The following INPP4B variants were observed in gnomAD, a reference collection of about 807,000 sequenced individuals.
INPP4B encodes inositol polyphosphate-4-phosphatase type II B.
Under a neutral mutation model 122.5 loss-of-function variants are expected in INPP4B, and 55 were observed. The ratio of observed to expected loss-of-function variants is 0.45; its 90% CI spans 0.36 to 0.56. The LOEUF is 0.56. Among genes scored for constraint, INPP4B ranks in the 20% least tolerant of loss-of-function variants. INPP4B has a pLI of 0.00. For synonymous variants in INPP4B, 403 were observed against 388.7 expected (o/e 1.04, Z -0.43); for missense variants, 1,000 against 1,097.7 (o/e 0.91, Z 1.26).
intron 23 of INPP4B, among the ~76,000 whole-genome samples, chr4:142,104,846 A>G (rs186387965): frequency 1.3e-5 from 2 of 152,306 alleles, no homozygotes; most frequent in Non-Finnish European, 2.9e-5. Context: ...TATAAATTCT[A>G]TGTAAATAGC....
intron 2 of INPP4B, among the ~76,000 whole-genome samples, chr4:142,501,035 T>A (rs1823306102): frequency 6.6e-6 from 1 of 152,190 alleles, no homozygotes; most frequent in South Asian, 2.1e-4. Context: ...TTATATATAT[T>A]TACCACAATA....
intron 2 of INPP4B, among the ~76,000 whole-genome samples, chr4:142,649,348 AAC>A (rs1752454577): frequency 6.6e-6 from 1 of 152,244 alleles, no homozygotes; most frequent in Admixed American, 6.5e-5. Flanking sequence ...CCAGCAATGG[AAC>A]AAAGCTGGAG....
At chr4:142,743,150 G>C (rs1392334616) in intron 1 of INPP4B, among the ~76,000 whole-genome samples, 1 of 151,824 alleles carries the variant, frequency 6.6e-6, no homozygotes, top group African/African-American at 2.4e-5. Flanking sequence ...AAAATATATT[G>C]GGAAAATATT....
At chr4:142,536,101 C>G (rs1007458171) in intron 2 of INPP4B, among the ~76,000 whole-genome samples, 2 of 152,176 alleles carry the variant, frequency 1.3e-5, no homozygotes, top group South Asian at 4.1e-4. Context: ...GGTCTCATCA[C>G]TATATAATCA....
chr4:142,311,729 G>A (rs1872292), intron 8 of INPP4B, among the ~76,000 whole-genome samples: 27 of 152,004 alleles, frequency 1.8e-4, no homozygotes, highest in Non-Finnish European at 2.5e-4. Flanking sequence ...GGACTTAGGC[G>A]CTCCCCAATA....
At chr4:142,163,057 AT>A in intron 16 of INPP4B, among the ~76,000 whole-genome samples, 1 of 151,948 alleles carries the variant, frequency 6.6e-6, no homozygotes, top group African/African-American at 2.4e-5. Flanking sequence ...TCGCAGTCAA[AT>A]AAATCAGCTT....
intron 17 of INPP4B, among the ~76,000 whole-genome samples, chr4:142,153,306 AG>A (rs1370676946): frequency 6.6e-6 from 1 of 152,220 alleles, no homozygotes; most frequent in Non-Finnish European, 1.5e-5. Flanking sequence ...TGATAAATCA[AG>A]CCAACAGTCT....
At chr4:142,406,669 A>AC (rs1343981650) in intron 5 of INPP4B, among the ~76,000 whole-genome samples, 1 of 152,162 alleles carries the variant, frequency 6.6e-6, no homozygotes, top group Non-Finnish European at 1.5e-5. Context: ...TTTGTCATAT[A>AC]CTTTTTTTTC....
chr4:142,114,668 C>A (rs1002170775), intron 21 of INPP4B, among the ~76,000 whole-genome samples: 4 of 151,882 alleles, frequency 2.6e-5, no homozygotes, highest in Non-Finnish European at 5.9e-5. Context: ...AATATGAGTC[C>A]TTTTTCAAAT....
At chr4:142,710,514 A>AT (rs1199696865) in intron 2 of INPP4B, among the ~76,000 whole-genome samples, 10 of 152,174 alleles carry the variant, frequency 6.6e-5, no homozygotes, top group Non-Finnish European at 1.3e-4. Flanking sequence ...AAAATGTAGC[A>AT]TTTTTTTAAA....
intron 25 of INPP4B, among the ~76,000 whole-genome samples, chr4:142,067,372 T>G (rs1041651254): frequency 3.3e-5 from 5 of 152,056 alleles, no homozygotes; most frequent in Admixed American, 6.5e-5. Flanking sequence ...AAGATGGGGA[T>G]AAACCAGAGC....
intron 25 of INPP4B, among the ~76,000 whole-genome samples, chr4:142,056,190 G>A (rs1437932680): frequency 6.6e-6 from 1 of 152,052 alleles, no homozygotes. Context: ...CTCCTGCTGT[G>A]TGACCTGGTT....
At chr4:142,845,880 G>C (rs574365813) in intron 1 of INPP4B, among the ~76,000 whole-genome samples, 1 of 152,244 alleles carries the variant, frequency 6.6e-6, no homozygotes, top group South Asian at 2.1e-4. Flanking sequence ...GAGTTCCACG[G>C]GGGCCCGGAG....
intron 25 of INPP4B, among the ~76,000 whole-genome samples, chr4:142,041,323 T>G (rs942323505): frequency 1.3e-5 from 2 of 151,868 alleles, no homozygotes; most frequent in Non-Finnish European, 2.9e-5. Context: ...AATAAAAAAT[T>G]TAATATCCCT....
At chr4:142,579,659 T>C (rs974284413) in intron 2 of INPP4B, among the ~76,000 whole-genome samples, 1 of 151,686 alleles carries the variant, frequency 6.6e-6, no homozygotes, top group African/African-American at 2.4e-5. Flanking sequence ...AATGGGACAT[T>C]GGCTTTTTCT....
chr4:142,484,069 T>C (rs1401513924), intron 2 of INPP4B, among the ~76,000 whole-genome samples: 1 of 152,080 alleles, frequency 6.6e-6, no homozygotes, highest in Non-Finnish European at 1.5e-5. Flanking sequence ...TTAAAGAAGA[T>C]GCAGAAAGGA....
chr4:142,070,671 C>A lies in INPP4B; in HGVS notation c.2642+11360G>T, dbSNP rs182590109. On this transcript the variant is annotated intron_variant, in intron 25 of 25. Transcript: ENST00000262992. ...ATACAAAATCAATGTGCAAAAATCA[C>A]AAGCATTCCTATACACCAATAATAG... is the stretch of plus-strand genomic sequence containing the variant. Among the ~76,000 whole-genome samples, 357 of 152,306 alleles carry A rather than the reference C, an allele frequency of 2.3e-3. 1 individual carries two copies. The highest frequency in any genetic ancestry group is 7.9e-3 in the African/African-American group (329 of 41,578).
Position 142,233,568 on chromosome 4 carries a change from A to C in INPP4B, c.836+4296T>G, listed in dbSNP as rs562857021. On this transcript the variant is annotated intron_variant, in intron 12 of 25. Coordinates refer to ENST00000262992, the MANE Select transcript of INPP4B (RefSeq NM_001101669.3). ...TACTAAAGCACCTGTCATTTTCATT[A>C]AACAAGGTAAGAGTCTATCTGAATT... Among the ~76,000 whole-genome samples the C allele has an allele frequency of 2.6e-5, 4 of 152,284 alleles. No individual in the cohort carries two copies. The South Asian group carries it at 8.3e-4, about 32-fold the overall frequency.
At chr4:142,825,530 A>G (rs1292864315) in intron 1 of INPP4B, among the ~76,000 whole-genome samples, 1 of 152,104 alleles carries the variant, frequency 6.6e-6, no homozygotes, top group Non-Finnish European at 1.5e-5. Context: ...GGAATCTCTG[A>G]CCCCAAGAAG....
Sources: allele counts gnomAD v4.1 joint callset (sites outside exome capture counted in the v4.1 genomes callset), GRCh38; gene constraint gnomAD v4.1.1; transcripts MANE v1.5; gene names NCBI Gene and HGNC (gene_info 2026-07-23, HGNC 2026-07-21).